Variants in UBE2D2 observed in about 807,000 individuals in gnomAD.
The protein encoded by UBE2D2 is ubiquitin-conjugating enzyme E2 D2.
In UBE2D2, 2 loss-of-function variants were observed where a neutral mutation model predicts 24.2. The ratio of observed to expected loss-of-function variants is 0.08; its 90% CI spans 0.03 to 0.26. The LOEUF (loss-of-function observed/expected upper bound fraction) is 0.26, where lower values mean the gene tolerates loss of function less well. Among genes scored for constraint, UBE2D2 ranks in the 10% least tolerant of loss-of-function variants. The pLI, the probability that UBE2D2 is intolerant of heterozygous loss-of-function variation, is 1.00. For synonymous variants in UBE2D2, 58 were observed against 56.5 expected (o/e 1.03, Z -0.12); for missense variants, 44 against 177.6 (o/e 0.25, Z 4.28).
chr5:139,580,193 A>C (rs1753565694), intron 1 of UBE2D2, among the ~76,000 whole-genome samples: 1 of 152,082 alleles, frequency 6.6e-6, no homozygotes, highest in Non-Finnish European at 1.5e-5. Context: ...TCCTGGGCTC[A>C]GGTGATTCTC....
chr5:139,552,602 G>A (rs2126640269), intron 1 of UBE2D2, among the ~76,000 whole-genome samples: 1 of 144,936 alleles, frequency 6.9e-6, no homozygotes, highest in Non-Finnish European at 1.5e-5. Flanking sequence ...TCCGCCTCCT[G>A]GGATCAAGTG....
intron 1 of UBE2D2, among the ~76,000 whole-genome samples, chr5:139,591,619 G>A (rs1162308126): frequency 6.6e-6 from 1 of 152,142 alleles, no homozygotes; most frequent in Non-Finnish European, 1.5e-5. Context: ...GAGAAAATGA[G>A]AGTGCTAAGG....
At chr5:139,594,944 T>A (rs2126680017) in intron 1 of UBE2D2, among the ~76,000 whole-genome samples, 1 of 152,292 alleles carries the variant, frequency 6.6e-6, no homozygotes, top group South Asian at 2.1e-4. Flanking sequence ...TTAAGTCATC[T>A]CTAGATTACT....
rs917763860 is a variant in UBE2D2, at chr5:139,583,440, G to A, written c.25-16932G>A. On this transcript the variant is annotated intron_variant, in intron 1 of 6. Transcript: ENST00000398733. ...TTCATATTTCCGAACAACATGTTGT[G>A]CATGACAAATATATACAATTTTGTC... 9.9e-5 allele frequency among the ~76,000 whole-genome samples: 15 copies of A among 152,254 alleles called. No individual in the cohort carries two copies. In the South Asian group the frequency reaches 1.7e-3, roughly 17 times the overall value.
chr5:139,559,423 C>A (rs1388613581), upstream of UBE2D2, among the ~76,000 whole-genome samples: 54 of 145,466 alleles, frequency 3.7e-4, no homozygotes, highest in African/African-American at 1.2e-3. Context: ...GAGACTCCGT[C>A]TCAAAAAAAA....
At chr5:139,620,764 G>A (rs748483640) in intron 5 of UBE2D2, among the ~76,000 whole-genome samples, 13 of 152,198 alleles carry the variant, frequency 8.5e-5, no homozygotes, top group Admixed American at 5.2e-4. Context: ...GAATTTATGT[G>A]TTGGGAGTAA....
chr5:139,559,543 T>C (rs1753029129), upstream of UBE2D2, among the ~76,000 whole-genome samples: 1 of 152,078 alleles, frequency 6.6e-6, no homozygotes, highest in Non-Finnish European at 1.5e-5. Context: ...ACCTCAACTA[T>C]ACCCACCCTG....
intron 1 of UBE2D2, among the ~76,000 whole-genome samples, chr5:139,544,677 AACTT>A (rs1234769588): frequency 1.3e-5 from 2 of 152,136 alleles, no homozygotes; most frequent in Non-Finnish European, 2.9e-5. Flanking sequence ...ATTGAGGTAT[AACTT>A]ACAATAAATA....
At chr5:139,586,893 A>G (rs745318287) in intron 1 of UBE2D2, among the ~76,000 whole-genome samples, 1 of 152,242 alleles carries the variant, frequency 6.6e-6, no homozygotes, top group African/African-American at 2.4e-5. Flanking sequence ...TAAATACAAT[A>G]TAGTGCCTTG....
Position 139,628,312 on chromosome 5 carries a change from A to G in UBE2D2, c.*1511A>G, listed in dbSNP as rs2126714693. ...ACCTTTTTTCCCCCCTTCTTTTCCT[A>G]ATTGTAAACTAGGCCAACCTGAAAG... On this transcript the variant is annotated 3_prime_UTR_variant, in exon 7 of 7. Transcript: ENST00000398733. 1 of 152,692 alleles carries G rather than the reference A, an allele frequency of 6.5e-6. No homozygotes were observed. Among genetic ancestry groups the G allele is most frequent in the Non-Finnish European group, 1.5e-5 (1 of 68,022 alleles). The allele number at this position is 152,692 out of a possible 1,614,324, so 9.5% of individuals were successfully genotyped here.
At chr5:139,590,210 A>G (rs1297832541) in intron 1 of UBE2D2, among the ~76,000 whole-genome samples, 1 of 152,144 alleles carries the variant, frequency 6.6e-6, no homozygotes, top group Non-Finnish European at 1.5e-5. Flanking sequence ...GAGTAGCAGA[A>G]TAAACAGTAG....
chr5:139,552,056 C>G (rs1476550212), intron 1 of UBE2D2, among the ~76,000 whole-genome samples: 1 of 152,152 alleles, frequency 6.6e-6, no homozygotes, highest in African/African-American at 2.4e-5. Context: ...CTTGGATAAA[C>G]CACTGTTCCC....
At chr5:139,588,475 A>T (rs1753780646) in intron 1 of UBE2D2, among the ~76,000 whole-genome samples, 1 of 152,102 alleles carries the variant, frequency 6.6e-6, no homozygotes, top group South Asian at 2.1e-4. Context: ...GGGTTTTACC[A>T]TGTTGGCCAG....
At chr5:139,606,649 T>G (rs539561378) in intron 2 of UBE2D2, among the ~76,000 whole-genome samples, 1 of 152,342 alleles carries the variant, frequency 6.6e-6, no homozygotes, top group South Asian at 2.1e-4. Flanking sequence ...CTTTTTATTT[T>G]GGTCAATTTT....
rs1275695108 is a variant in UBE2D2, at chr5:139,607,917, G to A, written c.89-6669G>A. Among the ~76,000 whole-genome samples, 10 of 152,004 alleles carry A rather than the reference G, an allele frequency of 6.6e-5. No individual in the cohort carries two copies. In the South Asian group the frequency reaches 1.2e-3, roughly 19 times the overall value. On this transcript the variant is annotated intron_variant, in intron 2 of 6. Coordinates refer to ENST00000398733, the MANE Select transcript of UBE2D2 (RefSeq NM_003339.3). ...AGTCCCAGCTACTCAGTTGGCTGAC[G>A]TGGGAGGATTGCTTGAGCCCAGGAG...
At chr5:139,594,904 G>A (rs146914444) in intron 1 of UBE2D2, among the ~76,000 whole-genome samples, 23 of 152,208 alleles carry the variant, frequency 1.5e-4, no homozygotes, top group African/African-American at 5.1e-4. Flanking sequence ...TAGTATTTGC[G>A]TATAACCTGT....
At chr5:139,532,642 C>T (rs138914842) in intron 1 of UBE2D2, among the ~76,000 whole-genome samples, 5,699 of 151,850 alleles carry the variant, frequency 0.038, 133 homozygotes, top group Non-Finnish European at 0.058. Flanking sequence ...TGAGCCACCG[C>T]GCTTGGCCTA....
At chr5:139,582,014 C>T (rs550036724) in intron 1 of UBE2D2, among the ~76,000 whole-genome samples, 2 of 151,060 alleles carry the variant, frequency 1.3e-5, no homozygotes, top group East Asian at 3.9e-4. Flanking sequence ...AAGATAGAGT[C>T]TCACTTTGTT....
intron 2 of UBE2D2, among the ~76,000 whole-genome samples, chr5:139,609,074 G>C (rs183193199): frequency 5.6e-4 from 84 of 150,766 alleles, no homozygotes; most frequent in Non-Finnish European, 1.1e-3. Flanking sequence ...GCGACAGAGC[G>C]AGACTCCATC....
Sources: allele counts gnomAD v4.1 joint callset (sites outside exome capture counted in the v4.1 genomes callset), GRCh38; gene constraint gnomAD v4.1.1; transcripts MANE v1.5; gene names NCBI Gene and HGNC (gene_info 2026-07-23, HGNC 2026-07-21).